FRMPD3: variants seen among roughly 807,000 people sequenced by gnomAD.
FRMPD3 encodes FERM and PDZ domain-containing protein 3.
In FRMPD3, 42 loss-of-function variants were observed where a neutral mutation model predicts 97.9. The ratio of observed to expected loss-of-function variants is 0.43; its 90% confidence interval spans 0.34 to 0.55. The LOEUF (loss-of-function observed/expected upper bound fraction) is 0.55. Among genes scored for constraint, FRMPD3 ranks in the 20% least tolerant of loss-of-function variants. The probability of loss-of-function intolerance (pLI) is 0.03; values close to 1 mark genes in which losing one functional copy is unlikely to be tolerated. For missense variants in FRMPD3, 1,303 were observed against 1,457.7 expected (o/e 0.89, Z 1.73); for synonymous variants, 577 against 581.1 (o/e 0.99, Z 0.10).
chrX:107,496,359 C>T (rs975838315), intron 1 of FRMPD3, among the ~76,000 whole-genome samples: 1 of 110,853 alleles, frequency 9.0e-6, no homozygotes, highest in Admixed American at 9.6e-5. Context: ...GGGGCCTGGG[C>T]ATGGTGAGAA....
intron 13 of FRMPD3, among the ~76,000 whole-genome samples, chrX:107,581,857 A>G (rs1923406017): frequency 8.9e-6 from 1 of 112,413 alleles, no homozygotes; most frequent in African/African-American, 3.2e-5. Flanking sequence ...ATTGATGAAT[A>G]ACATTCTATT....
At position 107,602,019 on chromosome X, in the gene FRMPD3, G is replaced by C; in HGVS notation, c.3980G>C (p.Arg1327Thr). Residue 1327 changes from arginine to threonine, a missense_variant, in exon 15 of 15, where the codon AGA becomes ACA. Physicochemically the swap from Arg to Thr is moderately conservative, Grantham distance 71. Transcript: ENST00000683843. ...AGCCTCCGGGGGAGGGAAAGGGACA[G>C]AGTCCTCCCTAGCCAGAGGCAGCCA... ...VPSLRGRERD[R>T]VLPSQRQPEA... 8.5e-7 allele frequency: 1 copy of C among 1,175,428 alleles called. No homozygotes were observed. The highest frequency in any genetic ancestry group is 1.1e-6 in the Non-Finnish European group (1 of 878,337).
At chrX:107,581,257 C>T (rs191637608) in intron 13 of FRMPD3, among the ~76,000 whole-genome samples, 133 of 109,962 alleles carry the variant, frequency 1.2e-3, no homozygotes, top group African/African-American at 4.2e-3. Flanking sequence ...TACAGGTGGC[C>T]GCCACCATGC....
At chrX:107,516,338 G>A (rs1453010297) in intron 1 of FRMPD3, among the ~76,000 whole-genome samples, 5 of 110,720 alleles carry the variant, frequency 4.5e-5, no homozygotes, top group Non-Finnish European at 7.6e-5. Context: ...ATAAACATAC[G>A]TGTGCATGTG....
intron 1 of FRMPD3, among the ~76,000 whole-genome samples, chrX:107,517,615 G>A (rs1309540429): frequency 5.5e-5 from 6 of 109,954 alleles, no homozygotes; most frequent in African/African-American, 2.0e-4. Context: ...ACAAAAAATG[G>A]CCAGGTGTGG....
chrX:107,560,421 G>T (rs759310165), intron 9 of FRMPD3, 28 bp downstream of exon 9: 13 of 1,204,839 alleles, frequency 1.1e-5, no homozygotes, highest in Non-Finnish European at 1.5e-5. Flanking sequence ...CCGTTGGGAT[G>T]GGGGGCGAAT....
At chrX:107,533,464 T>C (rs368961907) in intron 3 of FRMPD3, 41 bp from the exon 4 acceptor site, 61 of 1,129,340 alleles carry the variant, frequency 5.4e-5, no homozygotes, top group Non-Finnish European at 7.1e-5. Context: ...GAATACCTAG[T>C]GCATGATACA....
intron 1 of FRMPD3, among the ~76,000 whole-genome samples, chrX:107,477,294 C>T (rs1315292347): frequency 9.3e-6 from 1 of 107,578 alleles, no homozygotes; most frequent in Non-Finnish European, 1.9e-5. Context: ...GGGCTGCTGG[C>T]ATCCTGGCTC....
At chrX:107,525,315 C>T (rs1304306212) in intron 1 of FRMPD3, among the ~76,000 whole-genome samples, 1 of 111,711 alleles carries the variant, frequency 9.0e-6, no homozygotes, top group African/African-American at 3.3e-5. Flanking sequence ...ACCATCCATT[C>T]CTCCTTTTAC....
intron 1 of FRMPD3, among the ~76,000 whole-genome samples, chrX:107,485,016 C>T (rs907611800): frequency 6.2e-5 from 7 of 112,265 alleles, no homozygotes; most frequent in Non-Finnish European, 1.3e-4. Flanking sequence ...TGGCAAGATG[C>T]GAGACTTATG....
intron 13 of FRMPD3, among the ~76,000 whole-genome samples, chrX:107,581,017 C>CTAT (rs1279892153): frequency 9.0e-6 from 1 of 111,604 alleles, no homozygotes; most frequent in Non-Finnish European, 1.9e-5. Context: ...GAGGATAATA[C>CTAT]TATTACCTAC....
intron 13 of FRMPD3, among the ~76,000 whole-genome samples, chrX:107,591,499 A>T (rs1923902463): frequency 8.9e-6 from 1 of 112,332 alleles, no homozygotes; most frequent in South Asian, 3.6e-4. Flanking sequence ...CGTTTAGGTT[A>T]TCCAGTTGAT....
At chrX:107,594,555 C>T (rs1266235475) in intron 13 of FRMPD3, among the ~76,000 whole-genome samples, 4 of 112,001 alleles carry the variant, frequency 3.6e-5, no homozygotes, top group Admixed American at 9.5e-5. Context: ...TCTTTTTTAA[C>T]GTAGGCACTT....
At chrX:107,486,702 T>C (rs895076714) in intron 1 of FRMPD3, among the ~76,000 whole-genome samples, 4 of 112,050 alleles carry the variant, frequency 3.6e-5, no homozygotes, top group Non-Finnish European at 5.6e-5. Context: ...ATATGTCCAT[T>C]CTTATGCCTG....
Position 107,450,601 on chromosome X carries a change from C to G in FRMPD3, c.-8+596C>G, listed in dbSNP as rs867653674. On this transcript the variant is annotated intron_variant, in intron 1 of 14. Coordinates refer to ENST00000683843, the MANE Select transcript of FRMPD3 (RefSeq NM_001388459.1). ...ACACACACACACACACACACACACA[C>G]AGAGAGAGAGAGAGAGAGCGCGAGC... Among the ~76,000 whole-genome samples, 333 of 93,373 alleles carry G rather than the reference C, an allele frequency of 3.6e-3. 2 individuals carry two copies. The highest frequency in any genetic ancestry group is 0.011 in the South Asian group (22 of 2,004). 81.1% of individuals were successfully genotyped at this position (93,373 alleles called of 115,157 possible). A position where few individuals can be genotyped will look rare whatever the true frequency, so the allele number is the denominator to read the frequency against.
intron 12 of FRMPD3, among the ~76,000 whole-genome samples, chrX:107,574,423 A>T (rs1923027809): frequency 8.9e-6 from 1 of 112,730 alleles, no homozygotes; most frequent in African/African-American, 3.2e-5. Context: ...TTTACAGATT[A>T]TCTGTGGCTA....
chrX:107,580,404 G>A (rs1472968461), intron 13 of FRMPD3, among the ~76,000 whole-genome samples: 1 of 112,137 alleles, frequency 8.9e-6, no homozygotes, highest in Non-Finnish European at 1.9e-5. Flanking sequence ...TTTGTCCTCT[G>A]ATCTGGAAGT....
chrX:107,518,783 C>T (rs1922419785), intron 1 of FRMPD3, among the ~76,000 whole-genome samples: 2 of 111,970 alleles, frequency 1.8e-5, no homozygotes, highest in East Asian at 2.8e-4. Context: ...TTTGTACACC[C>T]GTGTTCATAG....
At chrX:107,450,601 CAG>C (rs112135759) in intron 1 of FRMPD3, among the ~76,000 whole-genome samples, 2,037 of 93,211 alleles carry the variant, frequency 0.022, 56 homozygotes, top group African/African-American at 0.072. Context: ...CACACACACA[CAG>C]AGAGAGAGAG....
Sources: gnomAD v4.1 joint callset for allele counts (sites outside exome capture counted in the v4.1 genomes callset) on GRCh38, gnomAD v4.1.1 for gene constraint, MANE v1.5 for transcripts, NCBI Gene and HGNC (gene_info 2026-07-23, HGNC 2026-07-21) for gene names.